RP1: variants seen among roughly 807,000 people sequenced by gnomAD.
RP1 encodes RP1 axonemal microtubule associated.
A neutral mutation model predicts 14.8 loss-of-function variants in RP1; 16 were observed. The observed-to-expected ratio is 1.08, with a 90% CI of 0.73 to 1.65. The LOEUF (loss-of-function observed/expected upper bound fraction) is 1.65. Among genes scored for constraint, RP1 ranks in the 40% most tolerant of loss-of-function variants. The pLI is 0.00. For missense variants in RP1, 2,631 were observed against 2,535.0 expected, an observed-to-expected ratio of 1.04 and a Z score of -0.81; for synonymous variants, 876 against 883.6, an observed-to-expected ratio of 0.99 and a Z score of 0.15.
chr8:54,624,618 C>A, intron 3 of RP1, 52 bp from the exon 4 acceptor site: 1 of 1,577,078 alleles, frequency 6.3e-7, no homozygotes, highest in South Asian at 1.1e-5. Context: ...ACTTCTCTGC[C>A]TTCCATATTA....
chr8:54,743,542 C>A (rs1809149090), intron 19 of RP1, among the ~76,000 whole-genome samples: 1 of 152,220 alleles, frequency 6.6e-6, no homozygotes, highest in South Asian at 2.1e-4. Flanking sequence ...CTTGCAGATT[C>A]TTACTTTATT....
downstream of RP1, among the ~76,000 whole-genome samples, chr8:54,771,351 G>A (rs1162178277): frequency 6.6e-6 from 1 of 152,044 alleles, no homozygotes; most frequent in Admixed American, 6.6e-5. Flanking sequence ...TGGGGCATAT[G>A]TGGGTAATAA....
chr8:54,670,754 A>AT (rs1184765507), intron 7 of RP1, among the ~76,000 whole-genome samples: 1 of 141,570 alleles, frequency 7.1e-6, no homozygotes, highest in African/African-American at 2.7e-5. Context: ...TATATAGTAC[A>AT]TTTTTTTGTC....
chr8:54,729,947 C>T (rs1027557861), intron 17 of RP1, among the ~76,000 whole-genome samples: 2 of 151,716 alleles, frequency 1.3e-5, no homozygotes, highest in Non-Finnish European at 2.9e-5. Flanking sequence ...TAAAAAATAG[C>T]ACTTGGCATC....
chr8:54,739,100 C>A, intron 19 of RP1: 4 of 1,113,992 alleles, frequency 3.6e-6, no homozygotes, highest in South Asian at 1.5e-5. Flanking sequence ...CTATGTAAAG[C>A]AGTGAAAACG....
chr8:54,809,907 C>A (rs765043793), intron 24 of RP1, among the ~76,000 whole-genome samples: 3 of 152,286 alleles, frequency 2.0e-5, no homozygotes, highest in Non-Finnish European at 4.4e-5. Context: ...TTCCAGTTGG[C>A]AAGTGGTACC....
At chr8:54,770,131 A>G (rs1210467249), downstream of RP1, 3 of 404,122 alleles carry the variant, frequency 7.4e-6, no homozygotes, top group Non-Finnish European at 1.3e-5. Context: ...AGAAATGCAA[A>G]TAAATCATCA....
chr8:54,754,228 A>G (rs1009353691), intron 19 of RP1, among the ~76,000 whole-genome samples: 3 of 152,014 alleles, frequency 2.0e-5, no homozygotes, highest in Admixed American at 2.0e-4. Flanking sequence ...TAGAGCCTAC[A>G]GATGTTATAA....
intron 24 of RP1, among the ~76,000 whole-genome samples, chr8:54,815,486 T>A (rs1197330146): frequency 1.3e-5 from 2 of 152,232 alleles, no homozygotes; most frequent in African/African-American, 4.8e-5. Context: ...TTTGCTGTAC[T>A]CCAGACAATG....
At chr8:54,839,930 C>A (rs890081325) in intron 25 of RP1, among the ~76,000 whole-genome samples, 1 of 152,184 alleles carries the variant, frequency 6.6e-6, no homozygotes, top group African/African-American at 2.4e-5. Flanking sequence ...TTTAACACAT[C>A]ATAAAGCTCC....
At chr8:54,607,863 C>T (rs1805495403) in intron 1 of RP1, among the ~76,000 whole-genome samples, 1 of 152,194 alleles carries the variant, frequency 6.6e-6, no homozygotes, top group Admixed American at 6.5e-5. Context: ...ATATAATCTC[C>T]TGGTGTGCCA....
At chr8:54,636,136 C>T (rs1230484210) in intron 3 of RP1, among the ~76,000 whole-genome samples, 5 of 152,336 alleles carry the variant, frequency 3.3e-5, no homozygotes, top group East Asian at 3.9e-4. Flanking sequence ...ATGCTCTTAA[C>T]GTAGCCTTCT....
At position 54,622,300 on chromosome 8, in the gene RP1, A is replaced by G; in HGVS notation, c.787+12A>G. 6.2e-7 allele frequency: 1 copy of G among 1,613,382 alleles called. No individual in the cohort carries two copies. On this transcript the variant is annotated intron_variant, in intron 3 of 3. Transcript: ENST00000220676. ...AGAAAGCAGAAAGAGTAAGTCACTT[A>G]TTAATATATAGCCCATATTTTTAGC... is the stretch of plus-strand genomic sequence containing the variant.
intron 25 of RP1, among the ~76,000 whole-genome samples, chr8:54,841,298 A>G (rs1051705809): frequency 9.2e-5 from 14 of 152,232 alleles, no homozygotes; most frequent in African/African-American, 3.1e-4. Context: ...TGGGAAAAAC[A>G]CAAGGAGTGA....
intron 1 of RP1, among the ~76,000 whole-genome samples, chr8:54,604,298 T>G (rs946894943): frequency 1.3e-5 from 2 of 152,178 alleles, no homozygotes; most frequent in African/African-American, 2.4e-5. Flanking sequence ...GAGATAATCA[T>G]GTGGTTTTTG....
chr8:54,673,292 C>T (rs1485482795), intron 7 of RP1, among the ~76,000 whole-genome samples: 7 of 152,036 alleles, frequency 4.6e-5, no homozygotes, highest in Admixed American at 3.3e-4. Context: ...AATGGATATG[C>T]TACATCATGT....
intron 24 of RP1, among the ~76,000 whole-genome samples, chr8:54,818,063 C>T (rs1478208507): frequency 6.6e-6 from 1 of 152,164 alleles, no homozygotes; most frequent in Non-Finnish European, 1.5e-5. Context: ...GCAAAAAGCC[C>T]CAAAATCTTC....
At chr8:54,612,207 T>G (rs1308300860), upstream of RP1, among the ~76,000 whole-genome samples, 1 of 152,190 alleles carries the variant, frequency 6.6e-6, no homozygotes, top group African/African-American at 2.4e-5. Flanking sequence ...GCTGCAACAA[T>G]GCCTACCTCT....
chr8:54,845,726 T>C (rs1811902935), intron 25 of RP1, among the ~76,000 whole-genome samples: 1 of 152,254 alleles, frequency 6.6e-6, no homozygotes, highest in African/African-American at 2.4e-5. Context: ...GAAAATTGCC[T>C]GGCTCAACTA....
Sources: gnomAD v4.1 joint callset for allele counts (sites outside exome capture counted in the v4.1 genomes callset) on GRCh38, gnomAD v4.1.1 for gene constraint, MANE v1.5 for transcripts, NCBI Gene and HGNC (gene_info 2026-07-23, HGNC 2026-07-21) for gene names.